Variants in DIP2B observed in about 807,000 individuals in gnomAD.
DIP2B encodes the protein DIP2 acetate--CoA ligase B (putative), also known as disco-interacting protein 2 homolog B.
DIP2B carries 76 observed loss-of-function variants against 198.0 expected under a neutral mutation model. The observed-to-expected ratio is 0.38, with a 90% CI of 0.32 to 0.46. DIP2B has a LOEUF of 0.46. DIP2B is among the 20% of genes least tolerant of loss of function. The pLI is 0.99. For missense variants in DIP2B, 1,559 were observed against 1,978.4 expected, an observed-to-expected ratio of 0.79 and a Z score of 4.02; for synonymous variants, 701 against 739.1, an observed-to-expected ratio of 0.95 and a Z score of 0.84.
chr12:50,715,471 G>A (rs1939697225), intron 23 of DIP2B, among the ~76,000 whole-genome samples: 1 of 152,136 alleles, frequency 6.6e-6, no homozygotes, highest in African/African-American at 2.4e-5. Flanking sequence ...CAAGCCACAT[G>A]AGCATATTTA....
At chr12:50,543,219 A>G (rs941002336) in intron 1 of DIP2B, among the ~76,000 whole-genome samples, 1 of 152,030 alleles carries the variant, frequency 6.6e-6, no homozygotes. Flanking sequence ...AGATAGAGTC[A>G]TGGGTAAATT....
At chr12:50,513,371 A>G (rs988526866) in intron 1 of DIP2B, among the ~76,000 whole-genome samples, 1 of 152,172 alleles carries the variant, frequency 6.6e-6, no homozygotes, top group Non-Finnish European at 1.5e-5. Context: ...TCTGTTTCAT[A>G]CAGACATCTC....
intron 1 of DIP2B, among the ~76,000 whole-genome samples, chr12:50,534,594 C>T (rs150138706): frequency 0.014 from 2,081 of 151,930 alleles, 41 homozygotes; most frequent in African/African-American, 0.047. Flanking sequence ...GAACTCCTGA[C>T]CTCAGCTGAT....
intron 26 of DIP2B, 108 bp downstream of exon 26, chr12:50,721,504 A>G: frequency 1.3e-6 from 2 of 1,492,094 alleles, no homozygotes; most frequent in Non-Finnish European, 9.0e-7. Flanking sequence ...CAAGCAGTGT[A>G]CTTCCCAACA....
intron 28 of DIP2B, among the ~76,000 whole-genome samples, chr12:50,727,216 A>G (rs1939953350): frequency 6.6e-6 from 1 of 152,240 alleles, no homozygotes; most frequent in Non-Finnish European, 1.5e-5. Context: ...GTAAATAATG[A>G]ACTTTAACTT....
At chr12:50,644,787 T>C (rs1203923377) in intron 3 of DIP2B, among the ~76,000 whole-genome samples, 3 of 152,262 alleles carry the variant, frequency 2.0e-5, no homozygotes, top group Non-Finnish European at 2.9e-5. Context: ...TATCCAAATG[T>C]TACAGGCCTT....
intron 3 of DIP2B, among the ~76,000 whole-genome samples, chr12:50,657,535 C>G (rs899635543): frequency 6.6e-6 from 1 of 151,806 alleles, no homozygotes; most frequent in Non-Finnish European, 1.5e-5. Flanking sequence ...TGCTTGTAAT[C>G]CCAGTGCAGC....
At chr12:50,630,764 C>A (rs1938035547) in intron 2 of DIP2B, among the ~76,000 whole-genome samples, 1 of 150,678 alleles carries the variant, frequency 6.6e-6, no homozygotes, top group South Asian at 2.1e-4. Flanking sequence ...CTCCGCCTCC[C>A]CAGTTCAAGC....
intron 6 of DIP2B, 131 bp from the exon 7 acceptor site, chr12:50,675,198 G>T: frequency 1.9e-6 from 2 of 1,045,584 alleles, no homozygotes; most frequent in Non-Finnish European, 2.7e-6. Context: ...GTACATATTT[G>T]GTCCACTTGA....
intron 9 of DIP2B, among the ~76,000 whole-genome samples, chr12:50,682,401 A>G (rs1163105327): frequency 1.3e-5 from 2 of 152,142 alleles, no homozygotes. Context: ...CAAGGCAGGC[A>G]GATCACGAGG....
chr12:50,702,759 G>A (rs1439007220), intron 19 of DIP2B, among the ~76,000 whole-genome samples: 31 of 65,548 alleles, frequency 4.7e-4, no homozygotes, highest in Admixed American at 3.0e-3. Context: ...AAAAAAAAAA[G>A]GAGGGGTGGG....
At chr12:50,702,146 G>A (rs912678528) in intron 19 of DIP2B, among the ~76,000 whole-genome samples, 18 of 151,820 alleles carry the variant, frequency 1.2e-4, no homozygotes, top group Non-Finnish European at 2.4e-4. Context: ...TCAGGAGATC[G>A]AGACCATCCT....
At chr12:50,566,309 A>G (rs533353229) in intron 1 of DIP2B, among the ~76,000 whole-genome samples, 8 of 152,258 alleles carry the variant, frequency 5.3e-5, no homozygotes, top group Admixed American at 5.2e-4. Flanking sequence ...CAGACTGCTG[A>G]GATTACAGGC....
At chr12:50,735,601 G>A (rs968078263) in intron 34 of DIP2B, among the ~76,000 whole-genome samples, 3 of 151,962 alleles carry the variant, frequency 2.0e-5, no homozygotes, top group Non-Finnish European at 4.4e-5. Context: ...AGTAGCCGGG[G>A]TTACAGGCAC....
intron 12 of DIP2B, among the ~76,000 whole-genome samples, chr12:50,688,354 A>G (rs1430460953): frequency 1.3e-5 from 2 of 152,218 alleles, no homozygotes; most frequent in Admixed American, 6.5e-5. Context: ...AAGTATCTTT[A>G]AAAGACAGAC....
chr12:50,674,783 T>G (rs1938916912), intron 6 of DIP2B, among the ~76,000 whole-genome samples, 154 bp downstream of exon 6: 2 of 152,248 alleles, frequency 1.3e-5, no homozygotes, highest in African/African-American at 4.8e-5. Context: ...TTCCATCATC[T>G]GCACAGTGAC....
intron 5 of DIP2B, among the ~76,000 whole-genome samples, chr12:50,673,034 T>A (rs1251762055): frequency 6.6e-6 from 1 of 152,220 alleles, no homozygotes; most frequent in East Asian, 1.9e-4. Context: ...GGATTGAACA[T>A]GCTTGAACAC....
intron 28 of DIP2B, among the ~76,000 whole-genome samples, chr12:50,727,492 T>C (rs1939957693): frequency 6.6e-6 from 1 of 152,234 alleles, no homozygotes; most frequent in Non-Finnish European, 1.5e-5. Flanking sequence ...ATTTACCTGA[T>C]GTAGATTTGC....
chr12:50,716,472 G>A (rs1015362952), intron 23 of DIP2B, among the ~76,000 whole-genome samples: 1 of 152,116 alleles, frequency 6.6e-6, no homozygotes, highest in African/African-American at 2.4e-5. Context: ...AGCTTGCAGT[G>A]AGCCAAGATT....
Sources: gnomAD v4.1 joint callset for allele counts (sites outside exome capture counted in the v4.1 genomes callset) on GRCh38, gnomAD v4.1.1 for gene constraint, MANE v1.5 for transcripts, NCBI Gene and HGNC (gene_info 2026-07-23, HGNC 2026-07-21) for gene names.